The following NDRG2 variants were observed in gnomAD, a reference collection of about 807,000 sequenced individuals.
The protein encoded by NDRG2 is NDRG family member 2, also known as protein NDRG2.
Under a neutral mutation model 58.2 loss-of-function variants are expected in NDRG2, and 34 were observed. The observed-to-expected ratio is 0.58, with a 90% CI of 0.44 to 0.78. The LOEUF (loss-of-function observed/expected upper bound fraction) is 0.78. Ranked by LOEUF, NDRG2 falls within the 30% of genes least tolerant of loss-of-function variation. NDRG2 has a pLI of 0.00. For synonymous variants in NDRG2, 187 were observed against 175.9 expected (o/e 1.06, Z -0.50); for missense variants, 434 against 471.2 (o/e 0.92, Z 0.73).
Position 21,017,632 on chromosome 14 carries a change from C to G in NDRG2, c.1080G>C (p.Ser360=), listed in dbSNP as rs535431489. The change falls in exon 16 of 16, where the codon TCG becomes TCC. Residue 360 remains serine (S), a synonymous_variant. Transcript: ENST00000556147. The part of the protein sequence containing the change: ...SQSSESGTLS[S]GPPGHTMEVS... ...CCTCCATGGTGTGCCCCGGGGGCCC[C>G]GAAGAAAGAGTTCCAGACTCGCTGC... 3.7e-6 allele frequency: 6 copies of G among 1,613,646 alleles called. No individual in the cohort carries two copies. The highest frequency in any genetic ancestry group is 5.1e-6 in the Non-Finnish European group (6 of 1,179,862).
At chr14:21,055,044 T>C (rs1169285658) in intron 1 of NDRG2, among the ~76,000 whole-genome samples, 1 of 152,190 alleles carries the variant, frequency 6.6e-6, no homozygotes, top group African/African-American at 2.4e-5. Flanking sequence ...CCTACCATAC[T>C]CCTAAGCATT....
rs1023602594 is a variant in NDRG2, at chr14:21,022,436, G to A, written c.179C>T (p.Pro60Leu). 5.6e-6 allele frequency: 9 copies of A among 1,613,986 alleles called. No individual in the cohort carries two copies. The highest frequency in any genetic ancestry group is 7.6e-6 in the Non-Finnish European group (9 of 1,180,016). ...VTFTVYGTPK[P>L]KRPAILTYHD... ...GTAGGTAAGGATCGCTGGGCGTTTG[G>A]GTTTGGGGGTGCCATAGACAGTGAA... The change falls in exon 4 of 16, where the codon CCC becomes CTC. Residue 60 changes from proline to leucine, a missense_variant. Coordinates refer to ENST00000556147, the MANE Select transcript of NDRG2 (RefSeq NM_001320329.2).
At chr14:21,023,064 T>G in intron 2 of NDRG2, 159 bp from the exon 3 acceptor site, 1 of 1,001,464 alleles carries the variant, frequency 1.0e-6, no homozygotes, top group Non-Finnish European at 1.5e-6. Context: ...TGAAGGTTAG[T>G]GTAGTGACGA....
rs575875838 is a variant in NDRG2 at position 21,036,452 on chromosome 14, T to A, written c.25-13131A>T. On this transcript the variant is annotated intron_variant, in intron 1 of 14. Transcript: ENST00000403829. ...GATGAGCTTAAAACATGCAAAAAAA[T>A]TCATAATGTTTTAAGAAAGTTTACG... Among the ~76,000 whole-genome samples, 6 of 152,200 alleles carry A rather than the reference T, an allele frequency of 3.9e-5. No homozygotes were observed. The South Asian group carries it at 8.3e-4, about 21-fold the overall frequency.
At chr14:21,035,235 T>C (rs374931260) in intron 1 of NDRG2, among the ~76,000 whole-genome samples, 2 of 152,236 alleles carry the variant, frequency 1.3e-5, no homozygotes, top group Admixed American at 1.3e-4. Context: ...TCAGGCCCTG[T>C]CAGAGTTTGA....
chr14:21,018,539 C>G, intron 12 of NDRG2, 35 bp from the exon 13 acceptor site: 6 of 1,610,412 alleles, frequency 3.7e-6, no homozygotes, highest in Middle Eastern at 1.7e-4. Flanking sequence ...AATGAGGTCA[C>G]GCCCACTGTG....
rs1886601147 is a variant in NDRG2 at position 21,070,319 on chromosome 14, C to G, written c.24+509G>C. The G allele has an allele frequency of 2.2e-6, 3 of 1,381,974 alleles. No homozygotes were observed. Among genetic ancestry groups the G allele is most frequent in the African/African-American group, 1.5e-5 (1 of 65,476 alleles). 85.6% of individuals were successfully genotyped at this position (1,381,974 alleles called of 1,614,324 possible). A position where few individuals can be genotyped will look rare whatever the true frequency, so the allele number is the denominator to read the frequency against. ...TCCCTTAGCCAGACCCGGCGAGACA[C>G]GAGCGGCGGGAGGGAGGCGGTGGCG... On this transcript the variant is annotated intron_variant, in intron 1 of 14. Transcript: ENST00000403829. The surrounding 1 kb of genome is among the most constrained non-coding windows in gnomAD (Gnocchi z 4.7).
chr14:21,022,018 C>G, intron 5 of NDRG2, 44 bp downstream of exon 5: 4 of 1,614,036 alleles, frequency 2.5e-6, no homozygotes, highest in Non-Finnish European at 3.4e-6. Flanking sequence ...CGCACCTGTC[C>G]TGTTCCTCAC....
chr14:21,041,431 A>G lies in NDRG2; in HGVS notation c.25-18110T>C, dbSNP rs3827933. ...CCTACTACTTACAGGTAAATTCTGAAAACAAAAATATTCCTCATCTCAGTT... is the reference window on the plus strand; with the variant it reads ...CCTACTACTTACAGGTAAATTCTGAGAACAAAAATATTCCTCATCTCAGTT... On this transcript the variant is annotated intron_variant, in intron 1 of 14. Coordinates refer to the NDRG2 transcript ENST00000403829. Among the ~76,000 whole-genome samples, 3 of 152,160 alleles carry G rather than the reference A, an allele frequency of 2.0e-5. No homozygotes were observed. The East Asian group carries it at 5.8e-4, about 29-fold the overall frequency.
intron 1 of NDRG2, among the ~76,000 whole-genome samples, chr14:21,052,895 C>T (rs577557810): frequency 2.0e-5 from 3 of 152,262 alleles, no homozygotes; most frequent in Admixed American, 6.5e-5. Flanking sequence ...GAGAGAAATA[C>T]GTACAAGAGA....
At chr14:21,028,768 T>C (rs1883865765), upstream of NDRG2, among the ~76,000 whole-genome samples, 1 of 152,106 alleles carries the variant, frequency 6.6e-6, no homozygotes, top group Non-Finnish European at 1.5e-5. Context: ...AGAGATCATT[T>C]AGAAACCAGA....
chr14:21,055,684 A>G lies in NDRG2; in HGVS notation c.24+15144T>C, dbSNP rs573774335. Reference sequence around the variant, plus strand: ...TCTCTGGTCAGTCATCTTGGTTGGCAGTAAACGTTTAGGCCAGCCCTGGGC... The same window carrying G: ...TCTCTGGTCAGTCATCTTGGTTGGCGGTAAACGTTTAGGCCAGCCCTGGGC... On this transcript the variant is annotated intron_variant, in intron 1 of 14. Coordinates refer to the NDRG2 transcript ENST00000403829. 3.3e-5 allele frequency among the ~76,000 whole-genome samples: 5 copies of G among 152,360 alleles called. No individual in the cohort carries two copies. In the East Asian group the frequency reaches 7.7e-4, roughly 24 times the overall value.
chr14:21,058,290 G>C, intron 1 of NDRG2: 1 of 1,614,154 alleles, frequency 6.2e-7, no homozygotes, highest in Non-Finnish European at 8.5e-7. Flanking sequence ...ATAGTGGCCT[G>C]TGACCCTCCA....
rs1566490569 is a variant in NDRG2, at chr14:21,034,103, C to T, written c.25-10782G>A. On this transcript the variant is annotated intron_variant, in intron 1 of 14. Transcript: ENST00000403829. The stretch of plus-strand genomic sequence containing the variant: ...TCTTTGGGCAATCTGAATTTTGCAT[C>T]TTGCCTCGCATATAGGACATCAGAC... 3 of 1,614,204 alleles carry T rather than the reference C, an allele frequency of 1.9e-6. No individual in the cohort carries two copies. In the Admixed American group the frequency reaches 5.0e-5, roughly 27 times the overall value.
At chr14:21,049,355 A>T (rs1322443280) in intron 1 of NDRG2, among the ~76,000 whole-genome samples, 1 of 152,148 alleles carries the variant, frequency 6.6e-6, no homozygotes, top group Admixed American at 6.5e-5. Context: ...TGTCCAGTGG[A>T]TTGGTTATAG....
At chr14:21,042,238 T>C (rs551678070) in intron 1 of NDRG2, 1 of 152,422 alleles carries the variant, frequency 6.6e-6, no homozygotes, top group Admixed American at 6.5e-5. Flanking sequence ...ATTTGGGACA[T>C]GTAAGTGGAG....
intron 1 of NDRG2, among the ~76,000 whole-genome samples, chr14:21,051,398 C>T (rs1566502548): frequency 6.6e-6 from 1 of 152,166 alleles, no homozygotes; most frequent in Non-Finnish European, 1.5e-5. Flanking sequence ...CCTAGCAGGG[C>T]TGAAGGCTGC....
upstream of NDRG2, chr14:21,025,458 T>C (rs1883407617): frequency 1.0e-6 from 1 of 985,492 alleles, no homozygotes; most frequent in African/African-American, 1.7e-5. The surrounding 1 kb of genome is among the most constrained non-coding windows in gnomAD (Gnocchi z 5.1). Context: ...GAACCGGTAG[T>C]GGGGAGACGA....
upstream of NDRG2, chr14:21,025,677 C>G: frequency 4.1e-6 from 4 of 985,322 alleles, no homozygotes; most frequent in Non-Finnish European, 3.6e-6. This position sits in a 1 kb window ranked among gnomAD's most constrained non-coding sequence, Gnocchi z 5.1. Context: ...GTCCTGGTAC[C>G]TCTCCTCTCT....
Sources: gnomAD v4.1 joint callset for allele counts (sites outside exome capture counted in the v4.1 genomes callset) on GRCh38, gnomAD v4.1.1 for gene constraint, Gnocchi (gnomAD v3.1) non-coding constraint, MANE v1.5 for transcripts, NCBI Gene and HGNC (gene_info 2026-07-23, HGNC 2026-07-21) for gene names.